Variants in ASIC2 observed in about 807,000 individuals in gnomAD.
ASIC2 encodes acid sensing ion channel subunit 2.
ASIC2 carries 25 observed loss-of-function variants against 57.3 expected under a neutral mutation model. The observed-to-expected ratio is 0.44, with a 90% CI of 0.32 to 0.61. The LOEUF is 0.61. Among genes scored for constraint, ASIC2 ranks in the 20% least tolerant of loss-of-function variants. ASIC2 has a pLI of 0.06. For synonymous variants in ASIC2, 319 were observed against 307.5 expected (o/e 1.04, Z -0.39); for missense variants, 641 against 738.1 (o/e 0.87, Z 1.52).
At chr17:33,750,119 ATGT>A (rs1218454377) in intron 1 of ASIC2, among the ~76,000 whole-genome samples, 2 of 152,068 alleles carry the variant, frequency 1.3e-5, no homozygotes, top group African/African-American at 4.8e-5. Flanking sequence ...GGTGTAGGGA[ATGT>A]TGTTGTGATG....
intron 1 of ASIC2, among the ~76,000 whole-genome samples, chr17:34,099,138 GAGAGAGACAGAGAGAGAGAGAGAGAGAA>G (rs1440250263): frequency 2.1e-4 from 6 of 27,976 alleles, no homozygotes; most frequent in African/African-American, 2.9e-4. Flanking sequence ...GAGAGAGAGA[GAGAGAGACAGAGAGAGAGAGAGAGAGAA>G]AGAAAGAAAG....
At chr17:34,114,882 C>T (rs1371056201) in intron 1 of ASIC2, among the ~76,000 whole-genome samples, 1 of 152,110 alleles carries the variant, frequency 6.6e-6, no homozygotes, top group Non-Finnish European at 1.5e-5. Flanking sequence ...CCAGCAGGTG[C>T]CAGGACAATT....
chr17:33,489,280 C>A (rs969330017), intron 1 of ASIC2, among the ~76,000 whole-genome samples: 1 of 152,194 alleles, frequency 6.6e-6, no homozygotes, highest in African/African-American at 2.4e-5. Context: ...CATGGTCTTA[C>A]TTCATGCTCA....
At chr17:33,104,640 A>G (rs2092227949) in intron 2 of ASIC2, among the ~76,000 whole-genome samples, 1 of 152,238 alleles carries the variant, frequency 6.6e-6, no homozygotes, top group Admixed American at 6.5e-5. Flanking sequence ...CTGAAGAAGA[A>G]AAGAGGAAAA....
At chr17:33,947,247 T>G (rs1904407492) in intron 1 of ASIC2, among the ~76,000 whole-genome samples, 1 of 152,142 alleles carries the variant, frequency 6.6e-6, no homozygotes, top group Admixed American at 6.5e-5. Flanking sequence ...GTGTCTCCCC[T>G]CCCTCTAGGC....
intron 1 of ASIC2, among the ~76,000 whole-genome samples, chr17:33,298,532 C>A (rs1049121758): frequency 1.3e-5 from 2 of 152,140 alleles, no homozygotes; most frequent in Non-Finnish European, 2.9e-5. Flanking sequence ...AGTCTTTGCT[C>A]TTGTGAATAG....
At chr17:33,218,203 G>A (rs575890584) in intron 1 of ASIC2, among the ~76,000 whole-genome samples, 1 of 152,368 alleles carries the variant, frequency 6.6e-6, no homozygotes, top group East Asian at 1.9e-4. Context: ...TGCAACGGCT[G>A]CCTCGGAGGG....
chr17:33,369,973 C>T (rs1908981997), intron 1 of ASIC2, among the ~76,000 whole-genome samples: 1 of 152,190 alleles, frequency 6.6e-6, no homozygotes, highest in African/African-American at 2.4e-5. Context: ...ATTTCTGCAG[C>T]ATTGTCTCCC....
intron 1 of ASIC2, among the ~76,000 whole-genome samples, chr17:33,591,466 T>G (rs770225793): frequency 5.3e-5 from 8 of 152,156 alleles, no homozygotes; most frequent in Non-Finnish European, 8.8e-5. Flanking sequence ...CTTTTCTCAG[T>G]GCAAAGCTGT....
intron 1 of ASIC2, among the ~76,000 whole-genome samples, chr17:33,597,078 C>T (rs1021075837): frequency 2.0e-5 from 3 of 150,684 alleles, no homozygotes; most frequent in Non-Finnish European, 4.5e-5. Context: ...GGCTTCATGA[C>T]AGGCTGGCAG....
intron 1 of ASIC2, among the ~76,000 whole-genome samples, chr17:33,728,851 C>A (rs575871197): frequency 1.3e-5 from 2 of 152,096 alleles, no homozygotes; most frequent in Non-Finnish European, 2.9e-5. Flanking sequence ...TACAGAGGAG[C>A]CAGGGAGGGT....
intron 1 of ASIC2, among the ~76,000 whole-genome samples, chr17:33,545,165 C>T (rs116460949): frequency 1.3e-5 from 2 of 152,274 alleles, no homozygotes; most frequent in Admixed American, 6.5e-5. Flanking sequence ...GTCCCACCAG[C>T]CTCTATTGCT....
chr17:33,530,612 C>T (rs1347294579), intron 1 of ASIC2, among the ~76,000 whole-genome samples: 2 of 152,190 alleles, frequency 1.3e-5, no homozygotes, highest in South Asian at 2.1e-4. Context: ...GCCTTTTGGG[C>T]CTGCACTAAG....
chr17:33,662,878 G>A (rs1907336415), intron 1 of ASIC2, among the ~76,000 whole-genome samples: 1 of 151,942 alleles, frequency 6.6e-6, no homozygotes, highest in Non-Finnish European at 1.5e-5. Flanking sequence ...CCAGCAAGCA[G>A]GTCACAAATA....
chr17:33,348,896 C>A (rs1040888707), intron 1 of ASIC2, among the ~76,000 whole-genome samples: 2 of 152,166 alleles, frequency 1.3e-5, no homozygotes, highest in African/African-American at 4.8e-5. Flanking sequence ...GGTCAATAAG[C>A]AAAGCAGGCT....
intron 1 of ASIC2, among the ~76,000 whole-genome samples, chr17:33,900,553 A>G (rs1915210148): frequency 6.6e-6 from 1 of 152,194 alleles, no homozygotes; most frequent in African/African-American, 2.4e-5. Context: ...GACTCATGAG[A>G]AGTAAAAAAA....
intron 1 of ASIC2, among the ~76,000 whole-genome samples, chr17:33,409,333 G>T (rs1910575975): frequency 6.6e-6 from 1 of 152,238 alleles, no homozygotes; most frequent in Non-Finnish European, 1.5e-5. Flanking sequence ...TGGGGCATCA[G>T]CACAGAAACT....
intron 1 of ASIC2, among the ~76,000 whole-genome samples, chr17:33,234,932 T>TCTGTGAGTTCCC (rs1304479338): frequency 6.6e-6 from 1 of 152,230 alleles, no homozygotes; most frequent in African/African-American, 2.4e-5. Flanking sequence ...CCTGAGTTCC[T>TCTGTGAGTTCCC]CTGTGAGTTC....
At chr17:33,787,604 T>TGTA (rs1275576138) in intron 1 of ASIC2, among the ~76,000 whole-genome samples, 9 of 151,584 alleles carry the variant, frequency 5.9e-5, no homozygotes, top group Admixed American at 5.9e-4. Flanking sequence ...TGAGCAAAGG[T>TGTA]GTAGCCCTCA....
Sources: allele counts gnomAD v4.1 joint callset (sites outside exome capture counted in the v4.1 genomes callset), GRCh38; gene constraint gnomAD v4.1.1; transcripts MANE v1.5; gene names NCBI Gene and HGNC (gene_info 2026-07-23, HGNC 2026-07-21).